The following TMEM182 variants were observed in gnomAD, a reference collection of about 807,000 sequenced individuals.
The protein encoded by TMEM182 is transmembrane protein 182.
In TMEM182, 20 loss-of-function variants were observed where a neutral mutation model predicts 26.8. The ratio of observed to expected loss-of-function variants is 0.75; its 90% CI spans 0.53 to 1.09. The LOEUF is 1.09. Among genes scored for constraint, TMEM182 ranks in the 50% least tolerant of loss-of-function variants. TMEM182 has a pLI of 0.00. For synonymous variants in TMEM182, 109 were observed against 102.2 expected (o/e 1.07, Z -0.40); for missense variants, 277 against 275.5 (o/e 1.01, Z -0.04).
chr2:102,740,202 T>C (rs1679503738), intron 1 of TMEM182, among the ~76,000 whole-genome samples: 1 of 152,236 alleles, frequency 6.6e-6, no homozygotes, highest in Non-Finnish European at 1.5e-5. Flanking sequence ...TTGGTGGGAA[T>C]ATGAACTGAT....
At chr2:102,749,902 A>T (rs1213372652) in intron 1 of TMEM182, among the ~76,000 whole-genome samples, 5 of 152,284 alleles carry the variant, frequency 3.3e-5, no homozygotes. Flanking sequence ...TGAATAATAC[A>T]AGGAATGAAA....
At chr2:102,778,214 G>T (rs886936443) in intron 3 of TMEM182, among the ~76,000 whole-genome samples, 1 of 151,930 alleles carries the variant, frequency 6.6e-6, no homozygotes, top group Non-Finnish European at 1.5e-5. Flanking sequence ...ACACATTTAG[G>T]ATTGCTATGT....
In TMEM182 at chr2:102,817,056, A is replaced by G. The variant is rs191017848; in HGVS notation, c.*2088A>G. The G allele has an allele frequency of 6.6e-5, 65 of 985,588 alleles. No individual in the cohort carries two copies. In the African/African-American group the frequency reaches 1.1e-3, roughly 16 times the overall value. 61.1% of individuals were successfully genotyped at this position (985,588 alleles called of 1,614,324 possible). A position where few individuals can be genotyped will look rare whatever the true frequency, so the allele number is the denominator to read the frequency against. On this transcript the variant is annotated 3_prime_UTR_variant, in exon 5 of 5. Transcript: ENST00000412401. ...TTTATAGTTGTAATGCATCAATCAA[A>G]TACATTTCAAGCACATTTCTTGATC...
rs181138819 is a variant in TMEM182, at chr2:102,738,984, A to G, written c.-83+1971A>G. On this transcript the variant is annotated intron_variant, in intron 1 of 5. Transcript: ENST00000409173. ...CTCAAATATATTCCACGAAGAGGCCAAGACGACACTTCCTGCACTAAGGCA... is the reference window on the plus strand; with the variant it reads ...CTCAAATATATTCCACGAAGAGGCCGAGACGACACTTCCTGCACTAAGGCA... Among the ~76,000 whole-genome samples the G allele has an allele frequency of 5.3e-5, 8 of 152,368 alleles. No individual in the cohort carries two copies. In the East Asian group the frequency reaches 1.5e-3, roughly 29 times the overall value.
chr2:102,801,629 G>A (rs539218427), intron 4 of TMEM182, among the ~76,000 whole-genome samples: 2 of 152,290 alleles, frequency 1.3e-5, no homozygotes, highest in South Asian at 2.1e-4. Context: ...CCTTCATTGT[G>A]CCGCTTAGAT....
At position 102,779,915 on chromosome 2, in the gene TMEM182, A is replaced by T. The variant is rs538088994; in HGVS notation, c.331+15488A>T. On this transcript the variant is annotated intron_variant, in intron 3 of 4. Coordinates refer to ENST00000412401, the MANE Select transcript of TMEM182 (RefSeq NM_144632.5). ...CTACTCGGGAGGCTGAGGCAGGAGA[A>T]TCGCCTGAACCCAGGAGGCGGAGGT... 3.9e-5 allele frequency among the ~76,000 whole-genome samples: 6 copies of T among 152,250 alleles called. No individual in the cohort carries two copies. The East Asian group carries it at 1.2e-3, about 29-fold the overall frequency.
At chr2:102,764,602 A>G (rs1573504723) in intron 3 of TMEM182, among the ~76,000 whole-genome samples, 175 bp downstream of exon 3, 1 of 152,310 alleles carries the variant, frequency 6.6e-6, no homozygotes, top group East Asian at 1.9e-4. Flanking sequence ...ATAATTTTAA[A>G]GAACATAACT....
At chr2:102,766,411 C>T (rs986611777) in intron 3 of TMEM182, among the ~76,000 whole-genome samples, 12 of 152,168 alleles carry the variant, frequency 7.9e-5, no homozygotes, top group African/African-American at 2.4e-4. Flanking sequence ...CATTGGCACA[C>T]GTATTGGAAC....
intron 2 of TMEM182, among the ~76,000 whole-genome samples, chr2:102,764,064 T>C (rs1476622645): frequency 2.0e-5 from 3 of 152,154 alleles, no homozygotes; most frequent in African/African-American, 7.2e-5. Flanking sequence ...AATCGTAAGG[T>C]GATATAAAGG....
chr2:102,795,853 A>G (rs762796008), intron 3 of TMEM182, among the ~76,000 whole-genome samples: 3 of 152,180 alleles, frequency 2.0e-5, no homozygotes, highest in Non-Finnish European at 4.4e-5. Context: ...GCACAGTTCC[A>G]TGCAGCCATG....
chr2:102,752,372 T>A (rs1405253923), intron 1 of TMEM182, among the ~76,000 whole-genome samples: 1 of 152,210 alleles, frequency 6.6e-6, no homozygotes, highest in African/African-American at 2.4e-5. Context: ...TATCATGATA[T>A]GCTCTAATTT....
chr2:102,806,342 CAAA>C (rs1682346453), intron 4 of TMEM182, among the ~76,000 whole-genome samples: 1 of 152,138 alleles, frequency 6.6e-6, no homozygotes, highest in African/African-American at 2.4e-5. Flanking sequence ...ACTGGACACT[CAAA>C]GAAGAAATTG....
intron 3 of TMEM182, among the ~76,000 whole-genome samples, chr2:102,823,575 C>T (rs768277744): frequency 3.3e-5 from 5 of 152,036 alleles, no homozygotes; most frequent in Admixed American, 6.6e-5. Context: ...CCTCGTGATC[C>T]GCCCACCTCG....
Position 102,762,700 on chromosome 2 carries a change from A to G in TMEM182, c.232+14A>G. The G allele has an allele frequency of 6.2e-7, 1 of 1,601,990 alleles. No homozygotes were observed. Among genetic ancestry groups the G allele is most frequent in the Non-Finnish European group, 8.5e-7 (1 of 1,170,962 alleles). ...AGTTCTGGTACAGTAAGTACAATTT[A>G]GCTTTATTTTCCCTCTTGTCTGTAA... On this transcript the variant is annotated intron_variant, in intron 2 of 4. Coordinates refer to ENST00000412401, the MANE Select transcript of TMEM182 (RefSeq NM_144632.5).
intron 1 of TMEM182, among the ~76,000 whole-genome samples, chr2:102,753,885 C>A (rs957008936): frequency 1.3e-5 from 2 of 152,122 alleles, no homozygotes; most frequent in Non-Finnish European, 2.9e-5. Context: ...CACTTATTGT[C>A]CTATATAGTT....
chr2:102,801,286 G>A (rs1245956493), intron 4 of TMEM182, among the ~76,000 whole-genome samples: 1 of 152,158 alleles, frequency 6.6e-6, no homozygotes, highest in African/African-American at 2.4e-5. Flanking sequence ...TAAAGCAGGA[G>A]GATTTTATGG....
At chr2:102,832,170 G>C (rs1385643009) in intron 3 of TMEM182, among the ~76,000 whole-genome samples, 1 of 152,102 alleles carries the variant, frequency 6.6e-6, no homozygotes, top group Non-Finnish European at 1.5e-5. Flanking sequence ...ATGCCATTTT[G>C]TTCAGAATTC....
At chr2:102,762,529 A>G (rs1476546610) in intron 1 of TMEM182, 58 bp from the exon 2 acceptor site, 1 of 1,568,948 alleles carries the variant, frequency 6.4e-7, no homozygotes, top group Non-Finnish European at 8.7e-7. Flanking sequence ...ACTGGCTGTA[A>G]TGATTTTGAT....
chr2:102,787,191 G>T (rs911150600), intron 3 of TMEM182, among the ~76,000 whole-genome samples: 1 of 152,192 alleles, frequency 6.6e-6, no homozygotes, highest in Non-Finnish European at 1.5e-5. Context: ...GAGAAGACGT[G>T]CTTTCATCAA....
Sources: allele counts gnomAD v4.1 joint callset (sites outside exome capture counted in the v4.1 genomes callset), GRCh38; gene constraint gnomAD v4.1.1; transcripts MANE v1.5; gene names NCBI Gene and HGNC (gene_info 2026-07-23, HGNC 2026-07-21).